The following EPB41 variants were observed in gnomAD, a reference collection of about 807,000 sequenced individuals.
EPB41 encodes protein 4.1.
Under a neutral mutation model 108.0 loss-of-function variants are expected in EPB41, and 65 were observed. The ratio of observed to expected loss-of-function variants is 0.60; its 90% confidence interval spans 0.49 to 0.74. EPB41 has a LOEUF of 0.74. Ranked by LOEUF, EPB41 falls within the 30% of genes least tolerant of loss-of-function variation. The pLI, the probability that EPB41 is intolerant of heterozygous loss-of-function variation, is 0.00. For synonymous variants in EPB41, 336 were observed against 358.9 expected (o/e 0.94, Z 0.72); for missense variants, 875 against 1,037.0 (o/e 0.84, Z 2.15).
chr1:28,902,251 T>A, intron 1 of EPB41: 1 of 985,428 alleles, frequency 1.0e-6, no homozygotes, highest in South Asian at 4.7e-5. Flanking sequence ...TTGCTTCTGA[T>A]TGCTTCTGAT....
chr1:29,092,023 G>A (rs1661381948), intron 16 of EPB41, among the ~76,000 whole-genome samples: 2 of 150,772 alleles, frequency 1.3e-5, no homozygotes. Flanking sequence ...CTATAACATT[G>A]ATTTGAGTAC....
intron 16 of EPB41, among the ~76,000 whole-genome samples, chr1:29,093,995 T>A (rs564884793): frequency 9.2e-5 from 14 of 152,360 alleles, no homozygotes; most frequent in African/African-American, 1.2e-4. Context: ...GGGTTTTACA[T>A]TTAAGTCTTT....
At chr1:28,917,719 T>TAC (rs1391805602) in intron 1 of EPB41, among the ~76,000 whole-genome samples, 1 of 152,054 alleles carries the variant, frequency 6.6e-6, no homozygotes, top group Non-Finnish European at 1.5e-5. Flanking sequence ...CAGCTGGGAC[T>TAC]ACAGACGTGC....
At chr1:28,930,571 G>A (rs1296232180) in intron 1 of EPB41, among the ~76,000 whole-genome samples, 4 of 151,698 alleles carry the variant, frequency 2.6e-5, no homozygotes, top group Non-Finnish European at 4.4e-5. Flanking sequence ...TGCAACCTCC[G>A]CCTCCCAGGT....
chr1:28,980,502 G>A (rs1036403074), intron 1 of EPB41, among the ~76,000 whole-genome samples: 1 of 151,934 alleles, frequency 6.6e-6, no homozygotes, highest in African/African-American at 2.4e-5. Flanking sequence ...TTGAGCCCAG[G>A]AGTTTGAAAC....
chr1:28,888,918 C>A (rs1381735114), intron 1 of EPB41, among the ~76,000 whole-genome samples: 1 of 152,204 alleles, frequency 6.6e-6, no homozygotes. Flanking sequence ...TGAGCCACCG[C>A]GCCAGGCCGG....
chr1:28,917,192 A>G (rs2092734961), intron 1 of EPB41, among the ~76,000 whole-genome samples: 1 of 151,658 alleles, frequency 6.6e-6, no homozygotes, highest in Non-Finnish European at 1.5e-5. Flanking sequence ...TATTTTTTGT[A>G]TTGTGCAACC....
At chr1:28,973,692 AC>A (rs1399646320) in intron 1 of EPB41, among the ~76,000 whole-genome samples, 3 of 152,032 alleles carry the variant, frequency 2.0e-5, no homozygotes, top group African/African-American at 7.2e-5. Context: ...ACTGTGCCCA[AC>A]CCCATTTGTT....
chr1:29,119,708 C>T lies in EPB41; in HGVS notation c.*2896C>T, dbSNP rs1304824578. 1 of 152,736 alleles carries T rather than the reference C, an allele frequency of 6.5e-6. No homozygotes were observed. The highest frequency in any genetic ancestry group is 1.5e-5 in the Non-Finnish European group (1 of 68,180). The allele number at this position is 152,736 out of a possible 1,614,324, so 9.5% of individuals were successfully genotyped here. A position where few individuals can be genotyped will look rare whatever the true frequency, so the allele number is the denominator to read the frequency against. ...GCCAGAGCTGCGGCCTGACTGACGCCTTTTGATGCTCACGGGAAATTTCTG... is the reference window on the plus strand; with the variant it reads ...GCCAGAGCTGCGGCCTGACTGACGCTTTTTGATGCTCACGGGAAATTTCTG... On this transcript the variant is annotated 3_prime_UTR_variant, in exon 21 of 21. Transcript: ENST00000343067.
intron 2 of EPB41, among the ~76,000 whole-genome samples, chr1:28,992,422 C>G (rs1346888193): frequency 6.6e-6 from 1 of 152,198 alleles, no homozygotes; most frequent in African/African-American, 2.4e-5. Context: ...GGCACGGTTG[C>G]TCACGCCTGT....
At chr1:29,057,688 G>T (rs1645790355) in intron 12 of EPB41, among the ~76,000 whole-genome samples, 1 of 152,132 alleles carries the variant, frequency 6.6e-6, no homozygotes, top group Non-Finnish European at 1.5e-5. Flanking sequence ...AATATCCAAT[G>T]CTTTGGGCAT....
At position 28,987,538 on chromosome 1, in the gene EPB41, A is replaced by G. The variant is rs1311749129; in HGVS notation, c.101A>G (p.Gln34Arg). Residue 34 changes from glutamine to arginine, a missense_variant, in exon 2 of 21, where the codon CAG becomes CGG. By Grantham distance (43) the Gln-to-Arg change is conservative. Coordinates refer to ENST00000343067, the MANE Select transcript of EPB41 (RefSeq NM_001376013.1). The part of the protein sequence containing the change: ...EAINSGQQEP[Q>R]QEESCQTAAE... ...ATAAACTCAGGCCAACAAGAACCTC[A>G]GCAGGAGGAATCTTGTCAAACAGCA... The G allele has an allele frequency of 6.2e-7, 1 of 1,614,212 alleles. No homozygotes were observed. The highest frequency in any genetic ancestry group is 2.2e-5 in the East Asian group (1 of 44,878).
rs146976856 is a variant in EPB41, at chr1:28,997,322, G to A, written c.786+3G>A. On this transcript the variant is annotated splice_donor_region_variant and intron_variant, in intron 4 of 20. Transcript: ENST00000343067. Reference sequence around the variant, plus strand: ...TTTGGGATAACGCAACCTCTAAGGTGAGGAGACTGCTTGCAATTTAAGAAG... The same window carrying A: ...TTTGGGATAACGCAACCTCTAAGGTAAGGAGACTGCTTGCAATTTAAGAAG... 8.7e-5 allele frequency: 136 copies of A among 1,570,240 alleles called. No individual in the cohort carries two copies. In the African/African-American group the frequency reaches 1.6e-3, roughly 19 times the overall value.
At chr1:29,062,964 G>A (rs950724484) in intron 15 of EPB41, among the ~76,000 whole-genome samples, 1 of 152,164 alleles carries the variant, frequency 6.6e-6, no homozygotes, top group African/African-American at 2.4e-5. Context: ...CCGAAGCTAG[G>A]CAAGAAGAGT....
At position 29,076,955 on chromosome 1, in the gene EPB41, C is replaced by G. The variant is rs544159667; in HGVS notation, c.2184+11797C>G. On this transcript the variant is annotated intron_variant, in intron 16 of 20. Coordinates refer to ENST00000343067, the MANE Select transcript of EPB41 (RefSeq NM_001376013.1). ...GGCCTTGATTTTGCCAATCTATAAC[C>G]TTTGTATCCCATTTACCACATTGCC... Among the ~76,000 whole-genome samples, 84 of 152,228 alleles carry G rather than the reference C, an allele frequency of 5.5e-4. 1 individual carries two copies. The highest frequency in any genetic ancestry group is 1.9e-3 in the African/African-American group (78 of 41,542).
rs370842530 is a variant in EPB41, at chr1:28,991,626, T to TGA, written c.469-1700_469-1699dup. 3.8e-3 allele frequency among the ~76,000 whole-genome samples: 559 copies of TGA among 148,910 alleles called. 6 individuals carry two copies. Among genetic ancestry groups the TGA allele is most frequent in the African/African-American group, 0.013 (520 of 40,390 alleles). ...TTGAGGTGGGAGGATCACTTGAGTC[T>TGA]GAGAGGTCGAGGCTGCATTGAGCCA... is the stretch of plus-strand genomic sequence containing the variant. On this transcript the variant is annotated intron_variant, in intron 2 of 20. Coordinates refer to ENST00000343067, the MANE Select transcript of EPB41 (RefSeq NM_001376013.1).
At chr1:29,111,935 CCACTA>C (rs1374279891) in intron 18 of EPB41, among the ~76,000 whole-genome samples, 1 of 151,662 alleles carries the variant, frequency 6.6e-6, no homozygotes, top group Non-Finnish European at 1.5e-5. Context: ...CGAGATCACA[CCACTA>C]CACTCCAGCC....
chr1:29,015,280 G>A (rs570138067), intron 5 of EPB41, among the ~76,000 whole-genome samples: 15 of 151,094 alleles, frequency 9.9e-5, no homozygotes, highest in Admixed American at 6.6e-4. Context: ...AATGTAGGCT[G>A]GGCGTGGTGG....
intron 1 of EPB41, among the ~76,000 whole-genome samples, chr1:28,964,314 C>T (rs1265180751): frequency 3.3e-5 from 5 of 152,044 alleles, no homozygotes; most frequent in South Asian, 2.1e-4. Flanking sequence ...TGTGGTGGTG[C>T]GCCTGTAGTC....
Sources: gnomAD v4.1 joint callset for allele counts (sites outside exome capture counted in the v4.1 genomes callset) on GRCh38, gnomAD v4.1.1 for gene constraint, MANE v1.5 for transcripts, NCBI Gene and HGNC (gene_info 2026-07-23, HGNC 2026-07-21) for gene names.